GLRA2: variants seen among roughly 807,000 people sequenced by gnomAD.
GLRA2 encodes the protein glycine receptor alpha 2.
A neutral mutation model predicts 31.6 loss-of-function variants in GLRA2; 11 were observed. The ratio of observed to expected loss-of-function variants is 0.35; its 90% CI spans 0.22 to 0.58. The LOEUF is 0.58. Among genes scored for constraint, GLRA2 ranks in the 20% least tolerant of loss-of-function variants. GLRA2 has a pLI of 0.84. For missense variants in GLRA2, 212 were observed against 351.8 expected, an observed-to-expected ratio of 0.60 and a Z score of 3.18; for synonymous variants, 132 against 134.0, an observed-to-expected ratio of 0.99 and a Z score of 0.10.
intron 7 of GLRA2, among the ~76,000 whole-genome samples, chrX:14,670,093 C>A (rs1182199543): frequency 8.9e-6 from 1 of 111,914 alleles, no homozygotes; most frequent in African/African-American, 3.3e-5. Context: ...CAAAGTTCCA[C>A]AAATCTCTAG....
At chrX:14,500,888 A>G in the GLRA2 span, among the ~76,000 whole-genome samples, 3 of 110,892 alleles carry the variant, frequency 2.7e-5, no homozygotes, top group Non-Finnish European at 3.8e-5. Context: ...CTACACCACC[A>G]TTTTGGAACT....
chrX:14,707,778 GC>G (rs2034044643), intron 8 of GLRA2, among the ~76,000 whole-genome samples: 1 of 106,351 alleles, frequency 9.4e-6, no homozygotes, highest in African/African-American at 3.4e-5. Context: ...GTGTGTGCAC[GC>G]GCGCGTGTTG....
chrX:14,602,222 G>A (rs1288435661), intron 4 of GLRA2, among the ~76,000 whole-genome samples: 1 of 111,004 alleles, frequency 9.0e-6, no homozygotes, highest in African/African-American at 3.3e-5. Flanking sequence ...GAAATGAGAT[G>A]GTAGCTCAAC....
At chrX:14,609,427 G>A (rs1037077804) in intron 7 of GLRA2, among the ~76,000 whole-genome samples, 1 of 110,908 alleles carries the variant, frequency 9.0e-6, no homozygotes, top group East Asian at 2.9e-4. Flanking sequence ...AGTATTGAGA[G>A]GGAAGAGAAA....
rs1406540151 is a variant in GLRA2, at chrX:14,529,937, T to C, written c.-121T>C. On this transcript the variant is annotated 5_prime_UTR_variant, in exon 1 of 9. Coordinates refer to ENST00000218075, the MANE Select transcript of GLRA2 (RefSeq NM_002063.4). The stretch of plus-strand genomic sequence containing the variant: ...AACTGTACAAAACCAAATCTCTTTT[T>C]GATTTTCAAGGAAACTAGGTTCCTG... The C allele has an allele frequency of 3.5e-6, 2 of 577,205 alleles. No individual in the cohort carries two copies. The highest frequency in any genetic ancestry group is 6.0e-6 in the Non-Finnish European group (2 of 332,041). The allele number at this position is 577,205 out of a possible 1,213,427, so 47.6% of individuals were successfully genotyped here.
At chrX:14,604,443 G>T in intron 5 of GLRA2, 46 bp downstream of exon 5, 1 of 784,558 alleles carries the variant, frequency 1.3e-6, no homozygotes, top group South Asian at 2.1e-5. Context: ...TTTAACCAAT[G>T]ACCTGGTTCT....
intron 2 of GLRA2, among the ~76,000 whole-genome samples, chrX:14,546,119 T>C (rs1215434957): frequency 9.0e-6 from 1 of 111,600 alleles, no homozygotes; most frequent in Non-Finnish European, 1.9e-5. Context: ...TTATCTGAAA[T>C]ATTACCATTT....
At chrX:14,682,590 G>T (rs2091226003) in intron 7 of GLRA2, among the ~76,000 whole-genome samples, 1 of 109,476 alleles carries the variant, frequency 9.1e-6, no homozygotes, top group Non-Finnish European at 1.9e-5. Context: ...TAGGGTACAT[G>T]TGCACAACGT....
At chrX:14,478,603 A>G in the GLRA2 span, among the ~76,000 whole-genome samples, 6 of 112,319 alleles carry the variant, frequency 5.3e-5, no homozygotes, top group Non-Finnish European at 1.1e-4. Context: ...TATGCAAAGT[A>G]TTATAATAAG....
the GLRA2 span, among the ~76,000 whole-genome samples, chrX:14,484,724 G>A: frequency 9.0e-6 from 1 of 111,707 alleles, no homozygotes; most frequent in Non-Finnish European, 1.9e-5. Context: ...GATGTATAGA[G>A]GGACACTATG....
At chrX:14,500,783 C>T in the GLRA2 span, among the ~76,000 whole-genome samples, 4 of 111,382 alleles carry the variant, frequency 3.6e-5, no homozygotes, top group Non-Finnish European at 7.5e-5. Context: ...GTCTCATCCT[C>T]ATATTTTAAT....
At chrX:14,626,313 A>G (rs931974017) in intron 7 of GLRA2, among the ~76,000 whole-genome samples, 6 of 112,408 alleles carry the variant, frequency 5.3e-5, no homozygotes, top group Non-Finnish European at 9.4e-5. Flanking sequence ...TGCTAATTAT[A>G]GGCGGTAGCC....
chrX:14,593,958 C>T (rs2090172441), intron 4 of GLRA2, among the ~76,000 whole-genome samples: 1 of 112,549 alleles, frequency 8.9e-6, no homozygotes, highest in African/African-American at 3.2e-5. Flanking sequence ...TGCTGTTCCT[C>T]CCCTTTAGCT....
chrX:14,540,884 G>A (rs1268841265), intron 2 of GLRA2, among the ~76,000 whole-genome samples: 2 of 108,496 alleles, frequency 1.8e-5, no homozygotes, highest in South Asian at 8.3e-4. Context: ...TGCAAGGTGG[G>A]GAGGAAAGGG....
chrX:14,715,093 T>C (rs1028940066), intron 8 of GLRA2, among the ~76,000 whole-genome samples: 3 of 112,675 alleles, frequency 2.7e-5, no homozygotes, highest in African/African-American at 9.7e-5. Context: ...CTTTATATTC[T>C]AAAATTTTTG....
chrX:14,457,110 G>A, the GLRA2 span, among the ~76,000 whole-genome samples: 1 of 112,040 alleles, frequency 8.9e-6, no homozygotes, highest in Non-Finnish European at 1.9e-5. Flanking sequence ...CTGATGATTA[G>A]TGATGTTGAG....
At chrX:14,628,715 C>T (rs1471803635) in intron 7 of GLRA2, among the ~76,000 whole-genome samples, 1 of 111,294 alleles carries the variant, frequency 9.0e-6, no homozygotes, top group African/African-American at 3.3e-5. Flanking sequence ...TTGGAATGAG[C>T]CAGTAAACTT....
chrX:14,540,221 G>GA (rs1321267046), intron 2 of GLRA2, among the ~76,000 whole-genome samples: 8 of 111,081 alleles, frequency 7.2e-5, no homozygotes, highest in African/African-American at 2.6e-4. Flanking sequence ...TGGTGTGAGA[G>GA]AAAAAAACAA....
the GLRA2 span, among the ~76,000 whole-genome samples, chrX:14,507,516 T>C: frequency 3.6e-5 from 4 of 110,376 alleles, no homozygotes; most frequent in Non-Finnish European, 7.6e-5. Flanking sequence ...TGGTCTGTGA[T>C]GAAAAAGTAC....
Sources: allele counts gnomAD v4.1 joint callset (sites outside exome capture counted in the v4.1 genomes callset), GRCh38; gene constraint gnomAD v4.1.1; transcripts MANE v1.5; gene names NCBI Gene and HGNC (gene_info 2026-07-23, HGNC 2026-07-21).